ZBED6: variants seen among roughly 807,000 people sequenced by gnomAD.
ZBED6 encodes zinc finger BED domain-containing protein 6.
In ZBED6, 40 loss-of-function variants were observed where a neutral mutation model predicts 58.4. The observed-to-expected ratio is 0.68, with a 90% confidence interval of 0.53 to 0.89. ZBED6 has a LOEUF of 0.89. Ranked by LOEUF, ZBED6 falls within the 40% of genes least tolerant of loss-of-function variation. The pLI is 0.00. For missense variants in ZBED6, 1,057 were observed against 1,003.9 expected (o/e 1.05, Z -0.71); for synonymous variants, 439 against 350.6 (o/e 1.25, Z -2.82).
chr1:203,852,559 G>A, exon 17 of ZBED6: 1 of 767,282 alleles, frequency 1.3e-6, no homozygotes, highest in Non-Finnish European at 2.0e-6. Context: ...GGATTCCTTG[G>A]GGTCAGATTT....
intron 7 of ZBED6, 50 bp from the exon 8 acceptor site, chr1:203,831,611 A>C (rs769212392): frequency 3.0e-5 from 45 of 1,520,832 alleles, no homozygotes; most frequent in Non-Finnish European, 4.1e-5. Flanking sequence ...GACTTGGGAT[A>C]GCATTATTTT....
chr1:203,840,271 C>T (rs1685694062), intron 10 of ZBED6, 35 bp from the exon 11 acceptor site: 2 of 1,601,598 alleles, frequency 1.2e-6, no homozygotes, highest in Non-Finnish European at 1.7e-6. Context: ...AGTTTCTGTT[C>T]AACTTTTGAT....
chr1:203,812,188 G>A (rs866210863), intron 1 of ZBED6, among the ~76,000 whole-genome samples: 1 of 152,116 alleles, frequency 6.6e-6, no homozygotes, highest in African/African-American at 2.4e-5. Flanking sequence ...AATGTGTGTC[G>A]TGGGGGTTTG....
At chr1:203,837,064 G>C (rs1254270745) in intron 9 of ZBED6, among the ~76,000 whole-genome samples, 1 of 152,126 alleles carries the variant, frequency 6.6e-6, no homozygotes, top group Non-Finnish European at 1.5e-5. Flanking sequence ...GGAGGCTGAA[G>C]TGGGCAGATC....
At chr1:203,820,442 T>G (rs1678176603) in intron 3 of ZBED6, among the ~76,000 whole-genome samples, 2 of 128,556 alleles carry the variant, frequency 1.6e-5, no homozygotes, top group African/African-American at 5.5e-5. Flanking sequence ...TAAGATTATA[T>G]AGCTTTAGCA....
chr1:203,827,028 T>C (rs1345235579), intron 3 of ZBED6, among the ~76,000 whole-genome samples: 2 of 152,196 alleles, frequency 1.3e-5, no homozygotes, highest in African/African-American at 4.8e-5. Context: ...AAGTTTTGAC[T>C]GTTTTCATCT....
intron 12 of ZBED6, among the ~76,000 whole-genome samples, chr1:203,847,988 T>C (rs1242160293): frequency 6.6e-6 from 1 of 152,138 alleles, no homozygotes; most frequent in Non-Finnish European, 1.5e-5. Flanking sequence ...CCCAAGTAGC[T>C]GGGGCTACAG....
intron 1 of ZBED6, 76 bp from the exon 2 acceptor site, chr1:203,816,850 G>T (rs1676550880): frequency 2.2e-6 from 1 of 456,762 alleles, no homozygotes; most frequent in East Asian, 3.6e-5. Flanking sequence ...CTAGCAATAC[G>T]ATCTCATTAG....
chr1:203,831,668 T>C (rs867488818), exon 8 of ZBED6: 2 of 1,612,010 alleles, frequency 1.2e-6, no homozygotes, highest in Middle Eastern at 1.7e-4. Context: ...CAGAGGGTTC[T>C]TCAGGAGTTT....
chr1:203,821,441 G>A (rs1431422004), intron 3 of ZBED6, among the ~76,000 whole-genome samples: 4 of 151,858 alleles, frequency 2.6e-5, no homozygotes, highest in East Asian at 1.9e-4. Context: ...TTTATGCTCC[G>A]ATTGACCCAG....
At chr1:203,836,538 A>G (rs1014825752) in intron 9 of ZBED6, among the ~76,000 whole-genome samples, 7 of 152,226 alleles carry the variant, frequency 4.6e-5, no homozygotes, top group Admixed American at 1.3e-4. Flanking sequence ...TCACAAGGTC[A>G]GGAGTTCGAG....
exon 1 of ZBED6, chr1:203,799,834 A>T (rs988752544): frequency 6.6e-7 from 1 of 1,506,840 alleles, no homozygotes; most frequent in Non-Finnish European, 8.9e-7. Flanking sequence ...ACTTTGTTAG[A>T]TCCTTGCTTT....
At position 203,833,341 on chromosome 1, in the gene ZBED6, G is replaced by A. The variant is rs1683039326; in HGVS notation, c.*3511-450G>A. On this transcript the variant is annotated intron_variant, in intron 8 of 16. Transcript: ENST00000550078. ...GATCGGGCCACTGCACTCTAGCCTG[G>A]GCGACAGAGTGAGACTCTGTCTCAA... 2.0e-5 allele frequency among the ~76,000 whole-genome samples: 3 copies of A among 147,344 alleles called. No individual in the cohort carries two copies. In the South Asian group the frequency reaches 6.6e-4, roughly 32 times the overall value.
exon 15 of ZBED6, chr1:203,850,565 C>T: frequency 2.5e-6 from 4 of 1,614,002 alleles, no homozygotes; most frequent in Non-Finnish European, 3.4e-6. Context: ...TGTGTCATCC[C>T]CCAAATTGGC....
At chr1:203,827,073 T>G (rs557462591) in intron 3 of ZBED6, among the ~76,000 whole-genome samples, 1 of 152,340 alleles carries the variant, frequency 6.6e-6, no homozygotes, top group South Asian at 2.1e-4. Flanking sequence ...TGCACTCTTG[T>G]GTCTGGCTTC....
intron 3 of ZBED6, among the ~76,000 whole-genome samples, chr1:203,821,201 C>G (rs568397733): frequency 1.3e-5 from 2 of 152,116 alleles, no homozygotes; most frequent in African/African-American, 4.8e-5. Context: ...TGCTCGCGCT[C>G]TCTTGCTGCC....
At chr1:203,811,755 TTTA>T (rs1471106062) in intron 1 of ZBED6, among the ~76,000 whole-genome samples, 2 of 151,768 alleles carry the variant, frequency 1.3e-5, no homozygotes, top group Admixed American at 1.3e-4. Context: ...AATGACTTTT[TTTA>T]TTATTAAACT....
chr1:203,845,533 C>G (rs145823143), intron 11 of ZBED6, among the ~76,000 whole-genome samples: 93 of 152,192 alleles, frequency 6.1e-4, no homozygotes, highest in Middle Eastern at 3.4e-3. Context: ...ATCAGAAAAA[C>G]TAAATTGGAG....
Position 203,798,386 on chromosome 1 carries a change from T to TA in ZBED6, c.868dup (p.Arg290LysfsTer7). ...TCTCAAGAGCTGTGTGTAATATATG[T>TA]AAAAGAAGTGTGAGCCGGGGTAGGC... On this transcript the variant is annotated frameshift_variant, in exon 1 of 17. Coordinates refer to ENST00000550078, the Ensembl canonical transcript of ZBED6. LOFTEE classifies it high-confidence loss of function. 1 of 1,534,720 alleles carries TA rather than the reference T, an allele frequency of 6.5e-7. No homozygotes were observed. The highest frequency in any genetic ancestry group is 8.7e-7 in the Non-Finnish European group (1 of 1,145,658).
Sources: allele counts gnomAD v4.1 joint callset (sites outside exome capture counted in the v4.1 genomes callset), GRCh38; gene constraint gnomAD v4.1.1; transcripts MANE v1.5; gene names NCBI Gene and HGNC (gene_info 2026-07-23, HGNC 2026-07-21).